The following EEF1D variants were observed in gnomAD, a reference collection of about 807,000 sequenced individuals.
EEF1D encodes the protein eukaryotic translation elongation factor 1 delta, also known as elongation factor 1-delta.
In EEF1D, 47 loss-of-function variants were observed where a neutral mutation model predicts 63.9. The ratio of observed to expected loss-of-function variants is 0.74; its 90% CI spans 0.58 to 0.94. The LOEUF is 0.94. Among genes scored for constraint, EEF1D ranks in the 40% least tolerant of loss-of-function variants. The pLI is 0.00. For synonymous variants in EEF1D, 412 were observed against 386.1 expected (o/e 1.07, Z -0.79); for missense variants, 907 against 899.0 (o/e 1.01, Z -0.11).
chr8:143,584,277 GCA>G (rs1826113105), intron 5 of EEF1D: 1 of 152,144 alleles, frequency 6.6e-6, no homozygotes, highest in African/African-American at 2.4e-5. Flanking sequence ...ACTGGGCCGG[GCA>G]CAGTGGCTCA....
Position 143,586,252 on chromosome 8 carries a change from T to G in EEF1D, c.1254A>C (p.Arg418Ser). The G allele has an allele frequency of 6.2e-7, 1 of 1,609,494 alleles. No homozygotes were observed. The highest frequency in any genetic ancestry group is 8.5e-7 in the Non-Finnish European group (1 of 1,178,760). ...GGGATTTCTGGATGTTCTCTCTGGC[T>G]CTCGCAATGTCACGGAGGATCACGC... Reference protein sequence around the residue: ...GASVILRDIARARENIQKSLA... With the variant: ...GASVILRDIASARENIQKSLA... The change falls in exon 5 of 10, where the codon AGA becomes AGC. Residue 418 changes from arginine to serine, a missense_variant. Transcript: ENST00000618139.
At position 143,589,622 on chromosome 8, in the gene EEF1D, C is replaced by G. The variant is rs1356391983; in HGVS notation, c.460G>C (p.Val154Leu). The change falls in exon 3 of 10, where the codon GTG (valine) becomes CTG (leucine). Residue 154 changes from valine to leucine, a missense_variant. Val to Leu is a conservative substitution (Grantham distance 32, BLOSUM62 1). Coordinates refer to ENST00000618139, the MANE Select transcript of EEF1D (RefSeq NM_001130053.5). ...PWGLCTHGNQ[V>L]ACHHVTWGIW... ...CCCCAGGTCACGTGGTGGCAGGCCA[C>G]CTGGTTTCCATGGGTGCAGAGACCC... 2 of 1,536,478 alleles carry G rather than the reference C, an allele frequency of 1.3e-6. No individual in the cohort carries two copies. The highest frequency in any genetic ancestry group is 2.5e-5 in the South Asian group (2 of 80,596).
rs1018481251 is a variant in EEF1D, at chr8:143,580,214, G to A, written c.1711-8C>T. ...GTCCGTCTCATCATCCCACTGTGGG[G>A]AAAGGGGAGGAAAAGCTGGGGTCAG... is the stretch of plus-strand genomic sequence containing the variant. On this transcript the variant is annotated splice_region_variant and splice_polypyrimidine_tract_variant and intron_variant, in intron 8 of 9. Coordinates refer to ENST00000618139, the MANE Select transcript of EEF1D (RefSeq NM_001130053.5). 2.5e-6 allele frequency: 4 copies of A among 1,610,284 alleles called. No homozygotes were observed. Among genetic ancestry groups the A allele is most frequent in the Admixed American group, 3.3e-5 (2 of 59,850 alleles).
Position 143,589,226 on chromosome 8 carries a change from T to C in EEF1D, c.856A>G (p.Asn286Asp). 1 of 1,578,698 alleles carries C rather than the reference T, an allele frequency of 6.3e-7. No homozygotes were observed. Among genetic ancestry groups the C allele is most frequent in the Non-Finnish European group, 8.6e-7 (1 of 1,160,466 alleles). ...GCCCGTCGCAGCCCGGCCCGCTTGT[T>C]CCCTAAGATGTTGCGGCCCCGCCGG... Reference protein sequence around the residue: ...RDRRGRNILGNKRAGLRRADG... With the variant: ...RDRRGRNILGDKRAGLRRADG... Residue 286 changes from asparagine (N) to aspartate (D), a missense_variant, in exon 3 of 10, where the codon AAC (asparagine) becomes GAC (aspartate). By Grantham distance (23) the Asn-to-Asp change is conservative. Transcript: ENST00000618139.
Position 143,589,909 on chromosome 8 carries a change from T to C in EEF1D, c.173A>G (p.Glu58Gly). ...AGGGGCTTCCGCCTCATCAGCGTCC[T>C]CAGGGTCGTCCTGGCCGGGCCCATT... ...AMNGPGQDDP[E>G]DADEAEAPDG... is the part of the protein sequence containing the mutation. Residue 58 changes from glutamate to glycine, a missense_variant, in exon 3 of 10, where the codon GAG becomes GGG. Transcript: ENST00000618139. 9 of 1,599,122 alleles carry C rather than the reference T, an allele frequency of 5.6e-6. No homozygotes were observed. Among genetic ancestry groups the C allele is most frequent in the Non-Finnish European group, 7.6e-6 (9 of 1,176,826 alleles).
At chr8:143,585,891 G>A in intron 5 of EEF1D, 1 of 360,042 alleles carries the variant, frequency 2.8e-6, no homozygotes, top group Admixed American at 4.3e-5. Flanking sequence ...GCCACAGGGA[G>A]CAAGCAGGGA....
chr8:143,579,984 C>T, intron 9 of EEF1D, 28 bp downstream of exon 9: 1 of 1,604,250 alleles, frequency 6.2e-7, no homozygotes, highest in Non-Finnish European at 8.5e-7. Context: ...GTCTCCTCTC[C>T]CCTCCTCTCC....
rs752654923 is a variant in EEF1D, at chr8:143,589,087, G to A, written c.995C>T (p.Ala332Val). The A allele has an allele frequency of 1.2e-6, 2 of 1,609,636 alleles. No individual in the cohort carries two copies. The highest frequency in any genetic ancestry group is 1.1e-5 in the South Asian group (1 of 90,754). ...GCACCAGGCCACCCGCAGGGCCTCG[G>A]CAGCGTGGTGGCGGCACTCGGCGCT... Reference protein sequence around the residue: ...YDSAECRHHAAEALRVAWCLE... With the variant: ...YDSAECRHHAVEALRVAWCLE... Residue 332 changes from alanine (A) to valine (V), a missense_variant, in exon 3 of 10, where the codon GCC becomes GTC. Physicochemically the swap from Ala to Val is moderately conservative, Grantham distance 64. Transcript: ENST00000618139.
chr8:143,589,077 C>G lies in EEF1D; in HGVS notation c.1005G>C (p.Leu335=), dbSNP rs767032952. ...AECRHHAAEA[L]RVAWCLEAAS... is the part of the protein sequence containing the mutation. ...CAGCTTCGAGGCACCAGGCCACCCG[C>G]AGGGCCTCGGCAGCGTGGTGGCGGC... Residue 335 remains leucine (L), a synonymous_variant, in exon 3 of 10, where the codon CTG becomes CTC. Coordinates refer to ENST00000618139, the MANE Select transcript of EEF1D (RefSeq NM_001130053.5). 4.3e-6 allele frequency: 7 copies of G among 1,609,274 alleles called. No homozygotes were observed. In the Admixed American group the frequency reaches 1.2e-4, roughly 27 times the overall value.
intron 1 of EEF1D, among the ~76,000 whole-genome samples, chr8:143,595,299 G>C (rs1461761999): frequency 1.3e-5 from 2 of 152,180 alleles, no homozygotes; most frequent in African/African-American, 2.4e-5. Flanking sequence ...TCGAACTCCT[G>C]ACCTCAGGTG....
chr8:143,584,620 T>A (rs979607652), intron 5 of EEF1D, among the ~76,000 whole-genome samples: 3 of 152,020 alleles, frequency 2.0e-5, no homozygotes, highest in Non-Finnish European at 2.9e-5. Flanking sequence ...GAGCACCCTG[T>A]TGGCAGAATT....
In EEF1D at chr8:143,581,281, C is replaced by T. The variant is rs1458516860; in HGVS notation, c.1335G>A (p.Glu445=). 3.1e-6 allele frequency: 5 copies of T among 1,612,330 alleles called. No homozygotes were observed. In the African/African-American group the frequency reaches 5.3e-5, roughly 17 times the overall value. Residue 445 remains glutamate (E), a synonymous_variant, in exon 6 of 10, where the codon GAG becomes GAA. Coordinates refer to ENST00000618139, the MANE Select transcript of EEF1D (RefSeq NM_001130053.5). ...CCAGACTGGCAATCCGGACGACGAGCTCACCGTGGTCTCCGCTGGTGCCGC... is the reference window on the plus strand; with the variant it reads ...CCAGACTGGCAATCCGGACGACGAGTTCACCGTGGTCTCCGCTGGTGCCGC... ...ASSGTSGDHG[E]LVVRIASLEV...
At chr8:143,596,992 A>G (rs1030846605) in intron 1 of EEF1D, 3 of 152,270 alleles carry the variant, frequency 2.0e-5, no homozygotes, top group East Asian at 1.9e-4. Flanking sequence ...TGCAGGCCAG[A>G]GAAACAGCTG....
chr8:143,581,772 G>A (rs572287389), intron 5 of EEF1D: 140 of 177,602 alleles, frequency 7.9e-4, no homozygotes, highest in South Asian at 6.2e-3. Context: ...CCACCTGTGT[G>A]GACAGCAGCC....
Position 143,591,481 on chromosome 8 carries a change from C to T in EEF1D, c.-1+1166G>A, listed in dbSNP as rs538949449. Among the ~76,000 whole-genome samples, 4 of 152,354 alleles carry T rather than the reference C, an allele frequency of 2.6e-5. No individual in the cohort carries two copies. The East Asian group carries it at 5.8e-4, about 22-fold the overall frequency. ...GGATGCAGGTCAGCACCCCAGCCCG[C>T]GCTCAGCCTGCGATAGCTTCCTCCC... On this transcript the variant is annotated intron_variant, in intron 2 of 9. Coordinates refer to ENST00000618139, the MANE Select transcript of EEF1D (RefSeq NM_001130053.5).
chr8:143,584,461 G>A (rs1826167225), intron 5 of EEF1D, among the ~76,000 whole-genome samples: 1 of 152,076 alleles, frequency 6.6e-6, no homozygotes, highest in South Asian at 2.1e-4. Flanking sequence ...CAGCTACTCG[G>A]GAGGCTGACA....
In EEF1D at chr8:143,579,787, A is replaced by G. The variant is rs756707768; in HGVS notation, c.*5T>C. 55 of 1,557,948 alleles carry G rather than the reference A, an allele frequency of 3.5e-5. No homozygotes were observed. The East Asian group carries it at 1.2e-3, about 35-fold the overall frequency. On this transcript the variant is annotated 3_prime_UTR_variant, in exon 10 of 10. Transcript: ENST00000618139. ...CGCACGCGCGCACGTACACACACTC[A>G]GGCTTCAGATCTTGTTGAAAGCTGC... is the stretch of plus-strand genomic sequence containing the variant.
chr8:143,586,345 A>G, intron 4 of EEF1D, 55 bp from the exon 5 acceptor site: 1 of 1,444,230 alleles, frequency 6.9e-7, no homozygotes, highest in South Asian at 1.4e-5. Flanking sequence ...AAAGAATTTA[A>G]TTAAAAAACA....
At chr8:143,585,989 T>G in intron 5 of EEF1D, 1 of 465,370 alleles carries the variant, frequency 2.1e-6, no homozygotes. Context: ...GCGGCCAGTG[T>G]GACCGCCAGC....
Sources: gnomAD v4.1 joint callset for allele counts (sites outside exome capture counted in the v4.1 genomes callset) on GRCh38, gnomAD v4.1.1 for gene constraint, MANE v1.5 for transcripts, NCBI Gene and HGNC (gene_info 2026-07-23, HGNC 2026-07-21) for gene names.